CCDC7: variants seen among roughly 807,000 people sequenced by gnomAD.
The protein encoded by CCDC7 is coiled-coil domain-containing protein 7.
A neutral mutation model predicts 196.9 loss-of-function variants in CCDC7; 183 were observed. The ratio of observed to expected loss-of-function variants is 0.93; its 90% CI spans 0.82 to 1.05. The LOEUF (loss-of-function observed/expected upper bound fraction) is 1.05, where lower values mean the gene tolerates loss of function less well. Among genes scored for constraint, CCDC7 ranks in the 50% least tolerant of loss-of-function variants. CCDC7 has a pLI of 0.00. For missense variants in CCDC7, 1,540 were observed against 1,482.2 expected (o/e 1.04, Z -0.64); for synonymous variants, 525 against 484.6 (o/e 1.08, Z -1.10).
intron 24 of CCDC7, 47 bp downstream of exon 25, chr10:32,695,039 C>A: frequency 1.0e-6 from 1 of 993,426 alleles, no homozygotes; most frequent in South Asian, 2.1e-5. Flanking sequence ...AAGTTAATCT[C>A]ATTAGATCAT....
At chr10:32,837,811 A>G (rs1481893790) in intron 33 of CCDC7, among the ~76,000 whole-genome samples, 3 of 151,970 alleles carry the variant, frequency 2.0e-5, no homozygotes, top group South Asian at 2.1e-4. Flanking sequence ...CATTCTCAGC[A>G]AACTATCACA....
At chr10:32,792,055 A>C (rs2082784330) in intron 29 of CCDC7, among the ~76,000 whole-genome samples, 1 of 152,170 alleles carries the variant, frequency 6.6e-6, no homozygotes, top group Non-Finnish European at 1.5e-5. Flanking sequence ...TGATATGTTC[A>C]AAGTGCTAAA....
intron 32 of CCDC7, among the ~76,000 whole-genome samples, chr10:32,832,313 G>A (rs1201158517): frequency 6.6e-6 from 1 of 152,114 alleles, no homozygotes; most frequent in Admixed American, 6.6e-5. Context: ...AGACCAGTCT[G>A]GCCAACCTGG....
At position 32,790,182 on chromosome 10, in the gene CCDC7, C is replaced by T. The variant is rs1035295657; in HGVS notation, c.3013+11098C>T. On this transcript the variant is annotated intron_variant, in intron 29 of 41. Coordinates refer to ENST00000639629, the Ensembl canonical transcript of CCDC7. ...CATGGCCAGCCCCACTCCCAAGGCT[C>T]CACTATGCCTAGTGGTAACTCTGAC... Among the ~76,000 whole-genome samples the T allele has an allele frequency of 2.0e-5, 3 of 152,172 alleles. No homozygotes were observed. In the South Asian group the frequency reaches 6.2e-4, roughly 32 times the overall value.
At chr10:32,567,051 T>A (rs1405825902) in intron 14 of CCDC7, among the ~76,000 whole-genome samples, 1 of 145,722 alleles carries the variant, frequency 6.9e-6, no homozygotes, top group Non-Finnish European at 1.5e-5. Context: ...AATATATATA[T>A]AATATATATA....
chr10:32,709,261 A>T (rs1262814724), intron 24 of CCDC7, among the ~76,000 whole-genome samples: 1 of 147,472 alleles, frequency 6.8e-6, no homozygotes, highest in Non-Finnish European at 1.5e-5. Flanking sequence ...CATAGGTGGG[A>T]ATTGAACAAT....
chr10:32,567,943 C>T (rs1446481851), intron 15 of CCDC7, 52 bp downstream of exon 16: 215 of 1,403,640 alleles, frequency 1.5e-4, no homozygotes, highest in South Asian at 8.3e-4. Context: ...AGAAATTTGT[C>T]TTTTATATTA....
chr10:32,490,913 C>T (rs2042051143), intron 8 of CCDC7, among the ~76,000 whole-genome samples: 1 of 152,218 alleles, frequency 6.6e-6, no homozygotes, highest in Non-Finnish European at 1.5e-5. Flanking sequence ...ACGAAGCTGG[C>T]TTCTCCCAGT....
intron 20 of CCDC7, among the ~76,000 whole-genome samples, chr10:32,639,453 C>A (rs1204202412): frequency 6.6e-6 from 1 of 152,072 alleles, no homozygotes; most frequent in Non-Finnish European, 1.5e-5. Flanking sequence ...TCGTTGGTTT[C>A]AAAGAACATC....
At position 32,581,490 on chromosome 10, in the gene CCDC7, G is replaced by A. The variant is rs527998248; in HGVS notation, c.1455-1544G>A. On this transcript the variant is annotated intron_variant, in intron 16 of 41. Transcript: ENST00000639629. ...CTCCTCCTCCTTCACCATCTAATCA[G>A]TAGGGCTTTGAAAGTATTTCCACAT... Among the ~76,000 whole-genome samples the A allele has an allele frequency of 5.9e-5, 9 of 151,794 alleles. No individual in the cohort carries two copies. The South Asian group carries it at 1.5e-3, about 25-fold the overall frequency.
At chr10:32,732,054 AAAAAC>A (rs980514077) in intron 28 of CCDC7, among the ~76,000 whole-genome samples, 1 of 152,150 alleles carries the variant, frequency 6.6e-6, no homozygotes, top group Non-Finnish European at 1.5e-5. Context: ...CCGTCTCAAA[AAAAAC>A]AAAACAAAAC....
intron 8 of CCDC7, among the ~76,000 whole-genome samples, chr10:32,478,484 T>C (rs1264756072): frequency 6.6e-6 from 1 of 152,166 alleles, no homozygotes; most frequent in Non-Finnish European, 1.5e-5. Flanking sequence ...CTTACTTCTA[T>C]TTTATTTATA....
chr10:32,624,495 G>A (rs2139249032), intron 18 of CCDC7, among the ~76,000 whole-genome samples: 1 of 152,288 alleles, frequency 6.6e-6, no homozygotes, highest in African/African-American at 2.4e-5. Context: ...ATTGATTTAG[G>A]TAAGGGTATT....
chr10:32,762,561 A>T (rs2077621408), intron 28 of CCDC7, among the ~76,000 whole-genome samples: 1 of 151,746 alleles, frequency 6.6e-6, no homozygotes. Context: ...AGTTGCAGGC[A>T]TCACACTTTC....
chr10:32,729,912 A>C (rs377234127), intron 28 of CCDC7, among the ~76,000 whole-genome samples: 11 of 151,790 alleles, frequency 7.2e-5, no homozygotes, highest in African/African-American at 2.4e-4. Flanking sequence ...TTTTCATCAT[A>C]TTATGTTTAA....
intron 16 of CCDC7, among the ~76,000 whole-genome samples, chr10:32,572,852 G>A (rs1321025652): frequency 7.0e-6 from 1 of 142,576 alleles, no homozygotes; most frequent in Non-Finnish European, 1.5e-5. Context: ...AAGGAATAAA[G>A]CAAAAGCATG....
chr10:32,559,508 C>T (rs1477759482), intron 13 of CCDC7, among the ~76,000 whole-genome samples: 3 of 152,194 alleles, frequency 2.0e-5, no homozygotes, highest in Non-Finnish European at 4.4e-5. Context: ...GCAGCATTTG[C>T]GGTTCATGAA....
intron 11 of CCDC7, among the ~76,000 whole-genome samples, chr10:32,520,449 T>G (rs1589462799): frequency 1.3e-5 from 2 of 152,280 alleles, no homozygotes; most frequent in East Asian, 3.9e-4. Context: ...TAGTTTTGAT[T>G]TGCATTTCTC....
At chr10:32,653,420 C>T (rs1352657844) in intron 20 of CCDC7, among the ~76,000 whole-genome samples, 1 of 152,148 alleles carries the variant, frequency 6.6e-6, no homozygotes, top group Non-Finnish European at 1.5e-5. Flanking sequence ...TTTCTACACA[C>T]TGTGCCACTT....
Sources: allele counts gnomAD v4.1 joint callset (sites outside exome capture counted in the v4.1 genomes callset), GRCh38; gene constraint gnomAD v4.1.1; transcripts MANE v1.5; gene names NCBI Gene and HGNC (gene_info 2026-07-23, HGNC 2026-07-21).